Variants in ABL2 observed in about 807,000 individuals in gnomAD.
ABL2 encodes tyrosine-protein kinase ABL2.
A neutral mutation model predicts 107.7 loss-of-function variants in ABL2; 49 were observed. The observed-to-expected ratio is 0.45, with a 90% CI of 0.36 to 0.58. ABL2 has a LOEUF of 0.58. Ranked by LOEUF, ABL2 falls within the 20% of genes least tolerant of loss-of-function variation. The pLI is 0.00. For missense variants in ABL2, 1,245 were observed against 1,457.0 expected, an observed-to-expected ratio of 0.85 and a Z score of 2.37; for synonymous variants, 549 against 548.6, an observed-to-expected ratio of 1.00 and a Z score of -0.01.
chr1:179,227,392 C>G (rs1276364346), intron 1 of ABL2, among the ~76,000 whole-genome samples: 1 of 152,192 alleles, frequency 6.6e-6, no homozygotes, highest in Non-Finnish European at 1.5e-5. Context: ...AGCCCATCAA[C>G]AAATTATATC....
intron 4 of ABL2, among the ~76,000 whole-genome samples, chr1:179,124,219 C>T (rs1442508538): frequency 5.4e-5 from 8 of 148,338 alleles, no homozygotes; most frequent in South Asian, 2.1e-4. Context: ...CCAGCCGGGG[C>T]GACACAGCAA....
Position 179,112,350 on chromosome 1 carries a change from T to C in ABL2, c.1610A>G (p.Gln537Arg), listed in dbSNP as rs371868418. 7.4e-6 allele frequency: 12 copies of C among 1,613,748 alleles called. No individual in the cohort carries two copies. The highest frequency in any genetic ancestry group is 1.0e-5 in the Non-Finnish European group (12 of 1,179,836). The change falls in exon 10 of 12, where the codon CAA (glutamine) becomes CGA (arginine). Residue 537 changes from glutamine to arginine, a missense_variant. Transcript: ENST00000502732. ...ADRPSFAETH[Q>R]AFETMFHDSS... ...GTCATGGAACATGGTTTCAAAAGCT[T>C]GGTGTGTTTCAGCAAAAGAGGGCCT...
chr1:179,186,961 T>C (rs1388101813), intron 1 of ABL2, among the ~76,000 whole-genome samples: 1 of 152,134 alleles, frequency 6.6e-6, no homozygotes, highest in Non-Finnish European at 1.5e-5. Context: ...GGTCTCGAAC[T>C]CCTGACTGCA....
chr1:179,210,874 T>A lies in ABL2; in HGVS notation c.157+18367A>T, dbSNP rs186966517. On this transcript the variant is annotated intron_variant, in intron 1 of 11. Transcript: ENST00000502732. ...GTCTCAAAAAAATAATAATAATAAA[T>A]AAAAATAAAAATATTTCATATACTG... Among the ~76,000 whole-genome samples, 797 of 151,636 alleles carry A rather than the reference T, an allele frequency of 5.3e-3. 7 individuals are homozygous for A. Among genetic ancestry groups the A allele is most frequent in the African/African-American group, 0.018 (754 of 41,430 alleles).
At chr1:179,152,734 A>G (rs1336080823) in intron 1 of ABL2, among the ~76,000 whole-genome samples, 1 of 152,248 alleles carries the variant, frequency 6.6e-6, no homozygotes, top group Admixed American at 6.5e-5. Flanking sequence ...ATACTGATCT[A>G]TAAGACTTCT....
In ABL2 at chr1:179,174,920, A is replaced by AAAAAT. The variant is rs1659958398; in HGVS notation, c.158-41547_158-41546insATTTT. Among the ~76,000 whole-genome samples the AAAAAT allele has an allele frequency of 1.1e-4, 13 of 122,870 alleles. 1 individual carries two copies. Among genetic ancestry groups the AAAAAT allele is most frequent in the South Asian group, 7.5e-4 (3 of 4,000 alleles). The allele number at this position is 122,870 out of a possible 152,430, so 80.6% of individuals were successfully genotyped here. ...CAAAAAAAAAAAAATAAAATAAAAA[A>AAAAAT]AATAATAATAATAATAATAATAATT... On this transcript the variant is annotated intron_variant, in intron 1 of 11. Coordinates refer to ENST00000502732, the MANE Select transcript of ABL2 (RefSeq NM_007314.4).
chr1:179,176,411 G>C (rs1293575368), intron 1 of ABL2, among the ~76,000 whole-genome samples: 1 of 151,964 alleles, frequency 6.6e-6, no homozygotes, highest in Non-Finnish European at 1.5e-5. Context: ...TGTTTAACAG[G>C]ATACTCTATT....
intron 1 of ABL2, among the ~76,000 whole-genome samples, chr1:179,185,819 G>GTAA (rs1660654862): frequency 6.6e-6 from 1 of 152,030 alleles, no homozygotes; most frequent in Non-Finnish European, 1.5e-5. Context: ...AGTTACTCCT[G>GTAA]TAATACTATT....
In ABL2 at chr1:179,108,253, T is replaced by C; in HGVS notation, c.3014A>G (p.Glu1005Gly). 1.9e-6 allele frequency: 3 copies of C among 1,614,118 alleles called. No individual in the cohort carries two copies. Among genetic ancestry groups the C allele is most frequent in the Non-Finnish European group, 2.5e-6 (3 of 1,180,020 alleles). Residue 1005 changes from glutamate to glycine, a missense_variant, in exon 12 of 12, where the codon GAG becomes GGG. Physicochemically the swap from Glu to Gly is moderately conservative, Grantham distance 98. Transcript: ENST00000502732. ...CTGTCCTGCAGTTAGGGCAGTTGGC[T>C]CTTCTGTAGGGTCTGAGCAGATGGA... ...HPSICSDPTE[E>G]PTALTAGQST...
intron 1 of ABL2, among the ~76,000 whole-genome samples, chr1:179,151,075 C>T (rs1245819425): frequency 6.6e-6 from 1 of 152,072 alleles, no homozygotes; most frequent in Non-Finnish European, 1.5e-5. Context: ...ATAGCATGAA[C>T]ACGACTTTTA....
chr1:179,162,198 G>C (rs562382096), intron 1 of ABL2, among the ~76,000 whole-genome samples: 1 of 152,294 alleles, frequency 6.6e-6, no homozygotes, highest in East Asian at 1.9e-4. Flanking sequence ...GTGTTCCATA[G>C]TCAAATAAGA....
intron 1 of ABL2, among the ~76,000 whole-genome samples, chr1:179,208,766 T>A (rs1662114675): frequency 6.6e-6 from 1 of 152,198 alleles, no homozygotes; most frequent in African/African-American, 2.4e-5. Flanking sequence ...GGATAATGTG[T>A]CTGACACACA....
chr1:179,186,540 A>C (rs756207606), intron 1 of ABL2, among the ~76,000 whole-genome samples: 1 of 150,990 alleles, frequency 6.6e-6, no homozygotes, highest in Admixed American at 6.6e-5. Context: ...CACCATGCCC[A>C]GCTAATTTTT....
Position 179,107,801 on chromosome 1 carries a change from C to G in ABL2, c.3466G>C (p.Ala1156Pro). ...SLQELQVSSA[A>P]AGVPGTNPVL... ...GGGTTTGTCCCGGGCACACCAGCAG[C>G]TGCTGAAGAAACCTGTAGCTCCTGC... The change falls in exon 12 of 12, where the codon GCT (alanine) becomes CCT (proline). Residue 1156 changes from alanine to proline, a missense_variant. By Grantham distance (27) the Ala-to-Pro change is conservative. Transcript: ENST00000502732. 1 of 1,614,218 alleles carries G rather than the reference C, an allele frequency of 6.2e-7. No individual in the cohort carries two copies. Among genetic ancestry groups the G allele is most frequent in the South Asian group, 1.1e-5 (1 of 91,088 alleles).
intron 1 of ABL2, among the ~76,000 whole-genome samples, chr1:179,189,176 C>T (rs1201392514): frequency 6.6e-6 from 1 of 152,114 alleles, no homozygotes; most frequent in African/African-American, 2.4e-5. Flanking sequence ...ACTCTTGTTG[C>T]CCAGGCTGGA....
intron 1 of ABL2, chr1:179,184,010 G>C (rs1660541475): frequency 7.3e-6 from 2 of 272,246 alleles, no homozygotes; most frequent in Non-Finnish European, 7.2e-6. Flanking sequence ...GAAATAGACA[G>C]GCTTAATGAA....
intron 1 of ABL2, among the ~76,000 whole-genome samples, chr1:179,156,859 C>A (rs1254116268): frequency 6.6e-6 from 1 of 150,894 alleles, no homozygotes; most frequent in East Asian, 1.9e-4. Flanking sequence ...ACTTGGGCAA[C>A]AGAGTGAGTG....
intron 1 of ABL2, among the ~76,000 whole-genome samples, chr1:179,227,302 T>C (rs528555043): frequency 8.7e-4 from 133 of 152,316 alleles, no homozygotes; most frequent in African/African-American, 2.3e-3. Context: ...AACCAGAACT[T>C]GACTCTTCCA....
chr1:179,118,517 C>G, intron 7 of ABL2, 70 bp downstream of exon 7: 2 of 1,490,306 alleles, frequency 1.3e-6, no homozygotes, highest in Non-Finnish European at 9.2e-7. Context: ...GGAAGGTTCT[C>G]ACATTCTTCC....
Sources: allele counts gnomAD v4.1 joint callset (sites outside exome capture counted in the v4.1 genomes callset), GRCh38; gene constraint gnomAD v4.1.1; transcripts MANE v1.5; gene names NCBI Gene and HGNC (gene_info 2026-07-23, HGNC 2026-07-21).